The following ERBIN variants were observed in gnomAD, a reference collection of about 807,000 sequenced individuals.
ERBIN encodes the protein erbb2 interacting protein.
ERBIN carries 60 observed loss-of-function variants against 158.4 expected under a neutral mutation model. The observed-to-expected ratio is 0.38, with a 90% confidence interval of 0.31 to 0.47. The LOEUF is 0.47. Among genes scored for constraint, ERBIN ranks in the 20% least tolerant of loss-of-function variants. The pLI is 0.99. For synonymous variants in ERBIN, 594 were observed against 557.2 expected (o/e 1.07, Z -0.93); for missense variants, 1,610 against 1,648.0 (o/e 0.98, Z 0.40).
intron 14 of ERBIN, among the ~76,000 whole-genome samples, chr5:66,031,084 T>C (rs573951452): frequency 1.8e-4 from 28 of 152,304 alleles, no homozygotes; most frequent in Non-Finnish European, 3.5e-4. Context: ...AAATCAGATA[T>C]ACCTAGAAAA....
At chr5:66,067,133 A>G (rs1273055457) in intron 21 of ERBIN, among the ~76,000 whole-genome samples, 2 of 152,172 alleles carry the variant, frequency 1.3e-5, no homozygotes, top group East Asian at 1.9e-4. Flanking sequence ...TGAAACCTCC[A>G]GATTGCCTCG....
chr5:65,990,226 T>C (rs536164710), intron 2 of ERBIN, among the ~76,000 whole-genome samples: 31 of 152,218 alleles, frequency 2.0e-4, no homozygotes, highest in Non-Finnish European at 3.8e-4. Context: ...TTATTATATA[T>C]TGAGAAGCAG....
At chr5:65,965,170 A>ATAAAATGTAAACTGCT (rs55831725) in intron 1 of ERBIN, among the ~76,000 whole-genome samples, 116,167 of 149,904 alleles carry the variant, frequency 0.77, 45,871 homozygotes, top group Non-Finnish European at 0.86. Context: ...TGTGATTAGA[A>ATAAAATGTAAACTGCT]TAAAATGTAA....
intron 1 of ERBIN, among the ~76,000 whole-genome samples, chr5:65,940,235 C>T (rs1477201566): frequency 2.6e-5 from 4 of 151,320 alleles, no homozygotes; most frequent in Admixed American, 2.0e-4. Flanking sequence ...TCTACCCGGC[C>T]GTGACCCCGT....
At chr5:66,040,149 A>G (rs973834122) in intron 15 of ERBIN, among the ~76,000 whole-genome samples, 1 of 151,920 alleles carries the variant, frequency 6.6e-6, no homozygotes, top group Admixed American at 6.6e-5. Flanking sequence ...CATCTTTACA[A>G]TAATCCTCCA....
chr5:65,964,158 G>C (rs955429087), intron 1 of ERBIN, among the ~76,000 whole-genome samples: 1 of 152,180 alleles, frequency 6.6e-6, no homozygotes, highest in African/African-American at 2.4e-5. Flanking sequence ...GTATTAGATG[G>C]ATTTAGGTGA....
chr5:66,068,434 T>C (rs1761219637), intron 21 of ERBIN, among the ~76,000 whole-genome samples: 1 of 152,208 alleles, frequency 6.6e-6, no homozygotes, highest in Admixed American at 6.5e-5. Flanking sequence ...TAAAATGAAG[T>C]AGATTCTCTA....
At chr5:66,031,225 A>G (rs1756839945) in intron 14 of ERBIN, among the ~76,000 whole-genome samples, 1 of 152,200 alleles carries the variant, frequency 6.6e-6, no homozygotes. Context: ...TTATGAAAAT[A>G]AATTGCTCAG....
At chr5:65,930,046 C>T (rs1044784643) in intron 1 of ERBIN, among the ~76,000 whole-genome samples, 5 of 152,178 alleles carry the variant, frequency 3.3e-5, no homozygotes, top group African/African-American at 4.8e-5. Context: ...TTCTGATTCC[C>T]TTAGCTTCCT....
chr5:65,940,404 C>T (rs1315488860), intron 1 of ERBIN, among the ~76,000 whole-genome samples: 5 of 138,216 alleles, frequency 3.6e-5, no homozygotes, highest in Middle Eastern at 3.8e-3. Flanking sequence ...CCACCTCGTC[C>T]GGGAGGGAGG....
intron 1 of ERBIN, among the ~76,000 whole-genome samples, chr5:65,940,615 C>T (rs1744828425): frequency 7.0e-6 from 1 of 142,014 alleles, no homozygotes; most frequent in South Asian, 2.3e-4. Flanking sequence ...GCCCCTCTGC[C>T]CGGCCAGCCG....
chr5:66,016,394 TGAATTTGCAAATATTCTTTTCTCCTTTTA>T (rs1338651917), intron 7 of ERBIN, among the ~76,000 whole-genome samples: 1 of 152,234 alleles, frequency 6.6e-6, no homozygotes, highest in East Asian at 1.9e-4. Context: ...AGACTCTCAG[TGAATTTGCAAATATTCTTTTCTCCTTTTA>T]AGATATGATT....
chr5:66,059,342 T>A (rs1759989618), intron 21 of ERBIN, among the ~76,000 whole-genome samples: 2 of 150,360 alleles, frequency 1.3e-5, no homozygotes, highest in South Asian at 4.1e-4. Context: ...TCTGTTTGTC[T>A]GTTATTGGTG....
chr5:65,990,924 C>T (rs1751809498), intron 2 of ERBIN, among the ~76,000 whole-genome samples: 1 of 151,872 alleles, frequency 6.6e-6, no homozygotes, highest in Non-Finnish European at 1.5e-5. Flanking sequence ...CCACGCCTGG[C>T]TAATTTTTTT....
chr5:66,077,079 A>T lies in ERBIN; in HGVS notation c.4131+130A>T, dbSNP rs1404885758. On this transcript the variant is annotated intron_variant, in intron 25 of 25. Coordinates refer to ENST00000284037, the MANE Select transcript of ERBIN (RefSeq NM_001253697.2). ...GGCAGGAGAATGGCGTGAACCCGGG[A>T]GGCGGCACTTGCAGCGAGCCGAGAT... 9 of 571,588 alleles carry T rather than the reference A, an allele frequency of 1.6e-5. No homozygotes were observed. The Admixed American group carries it at 2.2e-4, about 14-fold the overall frequency. 35.4% of individuals were successfully genotyped at this position (571,588 alleles called of 1,614,324 possible).
chr5:66,060,088 G>T (rs1440514552), intron 21 of ERBIN, among the ~76,000 whole-genome samples: 1 of 152,160 alleles, frequency 6.6e-6, no homozygotes, highest in East Asian at 1.9e-4. Flanking sequence ...TTTTTCTGTT[G>T]ACTGGAATAG....
intron 25 of ERBIN, among the ~76,000 whole-genome samples, 183 bp downstream of exon 25, chr5:66,077,132 CAG>C (rs1762055651): frequency 8.0e-6 from 1 of 125,134 alleles, no homozygotes. Flanking sequence ...GCCTGGGCGA[CAG>C]AGCGAGACTC....
intron 21 of ERBIN, among the ~76,000 whole-genome samples, chr5:66,065,878 A>G (rs1185359841): frequency 5.9e-5 from 9 of 152,178 alleles, no homozygotes; most frequent in East Asian, 1.9e-4. Context: ...ACTTTAGGTT[A>G]TATAATGTTA....
chr5:66,013,958 C>G (rs1234824017), intron 6 of ERBIN, among the ~76,000 whole-genome samples: 1 of 152,130 alleles, frequency 6.6e-6, no homozygotes, highest in Non-Finnish European at 1.5e-5. Context: ...ATTGATTTAT[C>G]TGTCTTCTCC....
Sources: allele counts gnomAD v4.1 joint callset (sites outside exome capture counted in the v4.1 genomes callset), GRCh38; gene constraint gnomAD v4.1.1; transcripts MANE v1.5; gene names NCBI Gene and HGNC (gene_info 2026-07-23, HGNC 2026-07-21).